Variants in IGF2BP2 observed in about 807,000 individuals in gnomAD.
IGF2BP2 encodes the protein insulin-like growth factor 2 mRNA-binding protein 2.
In IGF2BP2, 17 loss-of-function variants were observed where a neutral mutation model predicts 75.8. The ratio of observed to expected loss-of-function variants is 0.22; its 90% CI spans 0.15 to 0.34. The LOEUF is 0.34. IGF2BP2 is among the 10% of genes least tolerant of loss of function. The pLI, the probability that IGF2BP2 is intolerant of heterozygous loss-of-function variation, is 1.00. For missense variants in IGF2BP2, 516 were observed against 772.4 expected, an observed-to-expected ratio of 0.67 and a Z score of 3.93; for synonymous variants, 288 against 295.6, an observed-to-expected ratio of 0.97 and a Z score of 0.26.
At chr3:185,702,191 C>T (rs986797484) in intron 2 of IGF2BP2, among the ~76,000 whole-genome samples, 2 of 152,100 alleles carry the variant, frequency 1.3e-5, no homozygotes, top group South Asian at 2.1e-4. Context: ...CCATCTAGCA[C>T]GGGGTCTCAT....
At chr3:185,761,221 A>C (rs1473029172) in intron 2 of IGF2BP2, among the ~76,000 whole-genome samples, 1 of 152,184 alleles carries the variant, frequency 6.6e-6, no homozygotes, top group Non-Finnish European at 1.5e-5. Flanking sequence ...GACTTGGGTG[A>C]GGATGTGTGA....
At chr3:185,761,393 C>G (rs1299050923) in intron 2 of IGF2BP2, among the ~76,000 whole-genome samples, 1 of 152,136 alleles carries the variant, frequency 6.6e-6, no homozygotes, top group Non-Finnish European at 1.5e-5. Flanking sequence ...GGTATCACTC[C>G]GGGGCCCTGG....
chr3:185,667,121 C>A (rs1241149658), intron 10 of IGF2BP2, among the ~76,000 whole-genome samples: 3 of 152,116 alleles, frequency 2.0e-5, no homozygotes, highest in East Asian at 1.9e-4. Flanking sequence ...TCTATGTTGG[C>A]ATTCGATGAG....
At chr3:185,719,222 C>T (rs2149457237) in intron 2 of IGF2BP2, among the ~76,000 whole-genome samples, 1 of 152,258 alleles carries the variant, frequency 6.6e-6, no homozygotes, top group South Asian at 2.1e-4. Context: ...GGGATTTGCA[C>T]AGGGCAGTCA....
Position 185,824,808 on chromosome 3 carries a change from G to T in IGF2BP2, c.153C>A (p.Ala51=). 1.4e-6 allele frequency: 2 copies of T among 1,453,204 alleles called. No individual in the cohort carries two copies. Among genetic ancestry groups the T allele is most frequent in the Non-Finnish European group, 1.8e-6 (2 of 1,088,016 alleles). The allele number at this position is 1,453,204 out of a possible 1,614,324, so 90.0% of individuals were successfully genotyped here. A position where few individuals can be genotyped will look rare whatever the true frequency, so the allele number is the denominator to read the frequency against. The part of the protein sequence containing the change: ...AFVDYPDQNW[A]IRAIETLSGK... The stretch of plus-strand genomic sequence containing the variant: ...CCGAGAGGGTCTCGATGGCGCGGAT[G>T]GCCCAGTTCTGGTCGGGGTAGTCCA... Residue 51 remains alanine, a synonymous_variant, in exon 1 of 16, where the codon GCC becomes GCA. Coordinates refer to ENST00000382199, the MANE Select transcript of IGF2BP2 (RefSeq NM_006548.6).
At chr3:185,778,636 G>A (rs1295803338) in intron 2 of IGF2BP2, among the ~76,000 whole-genome samples, 1 of 152,196 alleles carries the variant, frequency 6.6e-6, no homozygotes, top group Non-Finnish European at 1.5e-5. Flanking sequence ...AAGGGAACTA[G>A]ACTCGGAATC....
intron 9 of IGF2BP2, 75 bp downstream of exon 9, chr3:185,675,221 A>T (rs1719146405): frequency 6.8e-7 from 1 of 1,480,252 alleles, no homozygotes; most frequent in East Asian, 2.3e-5. Flanking sequence ...ATCCTAAGGC[A>T]CTTCCTCATT....
At position 185,701,403 on chromosome 3, in the gene IGF2BP2, GA is replaced by G. The variant is rs1293448051; in HGVS notation, c.240-3057del. ...AAAAAAGAAAGAAAGAAAGAAAGAA[GA>G]AAAAACCAAGCCTCATTTTCTCCAT... On this transcript the variant is annotated intron_variant, in intron 2 of 15. Coordinates refer to ENST00000382199, the MANE Select transcript of IGF2BP2 (RefSeq NM_006548.6). 5.5e-5 allele frequency among the ~76,000 whole-genome samples: 8 copies of G among 145,614 alleles called. No individual in the cohort carries two copies. The East Asian group carries it at 1.2e-3, about 22-fold the overall frequency.
intron 2 of IGF2BP2, among the ~76,000 whole-genome samples, chr3:185,799,950 A>G (rs1184044395): frequency 1.3e-5 from 2 of 152,240 alleles, no homozygotes; most frequent in Non-Finnish European, 2.9e-5. Context: ...AGGATTATAA[A>G]TCATGCTACT....
intron 2 of IGF2BP2, among the ~76,000 whole-genome samples, chr3:185,758,421 T>A (rs2149679947): frequency 6.6e-6 from 1 of 152,356 alleles, no homozygotes; most frequent in South Asian, 2.1e-4. Flanking sequence ...ACGTCTGATC[T>A]TGCTCAGCTT....
At chr3:185,797,142 C>CT (rs1477349175) in intron 2 of IGF2BP2, among the ~76,000 whole-genome samples, 1 of 152,190 alleles carries the variant, frequency 6.6e-6, no homozygotes, top group African/African-American at 2.4e-5. Context: ...ACAGAATTCT[C>CT]TATGTTCACT....
chr3:185,647,092 C>T lies in IGF2BP2; in HGVS notation c.1640G>A (p.Arg547His), dbSNP rs1268234298. The change falls in exon 15 of 16, where the codon CGT becomes CAT. Residue 547 changes from arginine (R) to histidine (H), a missense_variant. This residue lies in a region of IGF2BP2 where 129 missense variants were observed against 230.5 expected (regional missense o/e 0.56). Coordinates refer to ENST00000382199, the MANE Select transcript of IGF2BP2 (RefSeq NM_006548.6). The surrounding 1 kb of genome is among the most constrained non-coding windows in gnomAD (Gnocchi z 4.9). The stretch of plus-strand genomic sequence containing the variant: ...CTCATTTTCATCTGGCGTTTGGTCA[C>T]GAGGCACGATGACTTCTGCACTGGT... ...NLTSAEVIVP[R>H]DQTPDENEEV... The T allele has an allele frequency of 3.1e-6, 5 of 1,614,122 alleles. No homozygotes were observed. The highest frequency in any genetic ancestry group is 4.2e-6 in the Non-Finnish European group (5 of 1,180,000).
intron 2 of IGF2BP2, among the ~76,000 whole-genome samples, chr3:185,809,759 A>T (rs1222319866): frequency 2.0e-5 from 3 of 152,220 alleles, no homozygotes; most frequent in African/African-American, 7.2e-5. Context: ...ATACAGACGA[A>T]AAATAAGAGG....
intron 2 of IGF2BP2, among the ~76,000 whole-genome samples, chr3:185,788,716 T>A: frequency 9.0e-6 from 1 of 110,892 alleles, no homozygotes; most frequent in African/African-American, 4.7e-5. Context: ...ACGACTTTTT[T>A]TTTTTTTTTT....
intron 1 of IGF2BP2, among the ~76,000 whole-genome samples, 192 bp downstream of exon 1, chr3:185,824,591 G>C (rs1741792504): frequency 6.8e-6 from 1 of 147,486 alleles, no homozygotes; most frequent in Admixed American, 6.7e-5. Flanking sequence ...AGAGTCCAGA[G>C]CTGTGGGGGG....
intron 2 of IGF2BP2, among the ~76,000 whole-genome samples, chr3:185,811,565 G>A (rs1184102333): frequency 1.3e-5 from 2 of 152,076 alleles, no homozygotes; most frequent in African/African-American, 4.8e-5. Context: ...ACCTCCTCTT[G>A]AAAAATCAGA....
chr3:185,773,743 T>C (rs1198665235), intron 2 of IGF2BP2, among the ~76,000 whole-genome samples: 2 of 152,226 alleles, frequency 1.3e-5, no homozygotes, highest in African/African-American at 2.4e-5. Context: ...CACTTTCTTT[T>C]TCTTGCTGAA....
intron 2 of IGF2BP2, chr3:185,813,917 C>G (rs1211831347): frequency 1.3e-5 from 2 of 152,342 alleles, no homozygotes; most frequent in Non-Finnish European, 2.9e-5. Context: ...GAGGAAGTGG[C>G]CGGTGTGAGG....
intron 15 of IGF2BP2, 173 bp downstream of exon 15, chr3:185,646,852 C>T (rs1314523020): frequency 1.6e-6 from 1 of 614,500 alleles, no homozygotes; most frequent in Non-Finnish European, 2.9e-6. Context: ...AAGTGTGAAA[C>T]AATGTCCCCT....
Sources: gnomAD v4.1 joint callset for allele counts (sites outside exome capture counted in the v4.1 genomes callset) on GRCh38, gnomAD v4.1.1 for gene constraint, gnomAD v4.1.1 regional missense constraint, Gnocchi (gnomAD v3.1) non-coding constraint, MANE v1.5 for transcripts, NCBI Gene and HGNC (gene_info 2026-07-23, HGNC 2026-07-21) for gene names.